The following PSTPIP1 variants were observed in gnomAD, a reference collection of about 807,000 sequenced individuals.
The protein encoded by PSTPIP1 is proline-serine-threonine phosphatase interacting protein 1.
In PSTPIP1, 66 loss-of-function variants were observed where a neutral mutation model predicts 69.6. The ratio of observed to expected loss-of-function variants is 0.95; its 90% CI spans 0.78 to 1.16. The LOEUF is 1.16. Among genes scored for constraint, PSTPIP1 ranks in the 50% most tolerant of loss-of-function variants. The pLI is 0.00. For synonymous variants in PSTPIP1, 266 were observed against 222.7 expected, an observed-to-expected ratio of 1.19 and a Z score of -1.73; for missense variants, 603 against 557.4, an observed-to-expected ratio of 1.08 and a Z score of -0.82.
At chr15:77,033,309 A>T (rs925035863) in intron 12 of PSTPIP1, among the ~76,000 whole-genome samples, 4 of 152,184 alleles carry the variant, frequency 2.6e-5, no homozygotes, top group African/African-American at 9.7e-5. Context: ...GGACTGGGGC[A>T]TCTGGAGAAT....
chr15:77,032,947 A>G lies in PSTPIP1; in HGVS notation c.924A>G (p.Ile308Met), dbSNP rs748788047. ...SPGIQPSCGM[I>M]KRFSGLLHGS... ...GCATACAGCCGTCCTGCGGCATGAT[A>G]AAGAGGTGAGGCCCCGACAGACGGA... The change falls in exon 12 of 15, where the codon ATA becomes ATG. Residue 308 changes from isoleucine (I) to methionine (M), a missense_variant. By Grantham distance (10) the Ile-to-Met change is conservative. Transcript: ENST00000558012. The G allele has an allele frequency of 5.0e-6, 8 of 1,600,578 alleles. No homozygotes were observed. The highest frequency in any genetic ancestry group is 4.0e-5 in the African/African-American group (3 of 74,712).
chr15:77,010,228 C>T (rs1253975674), intron 1 of PSTPIP1, among the ~76,000 whole-genome samples: 1 of 152,180 alleles, frequency 6.6e-6, no homozygotes, highest in African/African-American at 2.4e-5. Flanking sequence ...AGCTGTGTAA[C>T]CTGGACAAGT....
rs574948601 is a variant in PSTPIP1, at chr15:77,020,853, C to T, written c.212+2322C>T. 1.7e-4 allele frequency among the ~76,000 whole-genome samples: 23 copies of T among 135,382 alleles called. 1 individual carries two copies. Among genetic ancestry groups the T allele is most frequent in the Admixed American group, 1.7e-3 (21 of 12,578 alleles). 88.8% of individuals were successfully genotyped at this position (135,382 alleles called of 152,430 possible). A position where few individuals can be genotyped will look rare whatever the true frequency, so the allele number is the denominator to read the frequency against. On this transcript the variant is annotated intron_variant, in intron 3 of 14. Coordinates refer to ENST00000558012, the MANE Select transcript of PSTPIP1 (RefSeq NM_003978.5). The stretch of plus-strand genomic sequence containing the variant: ...AGCAGTGGCCGTGGACCTGTTTCCT[C>T]ATCTTAGACTCCTGTGGGGGGGGGG...
intron 8 of PSTPIP1, 75 bp from the exon 9 acceptor site, chr15:77,030,427 A>C: frequency 6.7e-7 from 1 of 1,485,374 alleles, no homozygotes; most frequent in South Asian, 1.2e-5. Context: ...GGAGGCATCC[A>C]GGATGGGACC....
intron 1 of PSTPIP1, among the ~76,000 whole-genome samples, chr15:77,002,741 G>A (rs1430773338): frequency 2.0e-5 from 3 of 152,210 alleles, no homozygotes; most frequent in African/African-American, 7.2e-5. Context: ...TCGATTTGGT[G>A]TTCTGAATTC....
At chr15:76,994,948 A>T (rs2075540121), upstream of PSTPIP1, 2 of 1,228,490 alleles carry the variant, frequency 1.6e-6, no homozygotes, top group Non-Finnish European at 2.1e-6. Context: ...CCACACTGTC[A>T]GTGGGCCTCA....
intron 13 of PSTPIP1, 45 bp downstream of exon 13, chr15:77,035,608 G>C (rs2076543104): frequency 1.3e-6 from 2 of 1,539,770 alleles, no homozygotes; most frequent in Non-Finnish European, 1.8e-6. Flanking sequence ...TGATCCTGGG[G>C]GGGAGGAGAG....
intron 1 of PSTPIP1, among the ~76,000 whole-genome samples, chr15:76,998,444 A>G (rs543645716): frequency 6.6e-6 from 1 of 152,290 alleles, no homozygotes; most frequent in African/African-American, 2.4e-5. Flanking sequence ...AAGCTCATAT[A>G]CTACACTCCT....
intron 1 of PSTPIP1, among the ~76,000 whole-genome samples, chr15:76,998,192 T>C (rs2152661562): frequency 6.6e-6 from 1 of 152,282 alleles, no homozygotes; most frequent in South Asian, 2.1e-4. Context: ...GAGCTGAGAT[T>C]GTGCCACTGT....
chr15:77,028,843 C>A (rs78003696), intron 7 of PSTPIP1, among the ~76,000 whole-genome samples, 191 bp downstream of exon 7: 1 of 152,216 alleles, frequency 6.6e-6, no homozygotes, highest in Admixed American at 6.5e-5. Flanking sequence ...ACAGGCAGGT[C>A]AGCTGGATCC....
In PSTPIP1 at chr15:77,037,451, G is replaced by A. The variant is rs1266039691; in HGVS notation, c.*275G>A. The A allele has an allele frequency of 5.8e-6, 2 of 342,832 alleles. No homozygotes were observed. The highest frequency in any genetic ancestry group is 1.1e-5 in the Non-Finnish European group (2 of 181,114). The allele number at this position is 342,832 out of a possible 1,614,324, so 21.2% of individuals were successfully genotyped here. ...ATGTGGAGCTCCCCAACTCAGCCGA[G>A]GCTTCAGCTATAGTTGGAGAAGAGG... On this transcript the variant is annotated 3_prime_UTR_variant, in exon 15 of 15. Transcript: ENST00000558012.
chr15:77,028,124 C>T (rs2076327198), intron 6 of PSTPIP1, among the ~76,000 whole-genome samples: 1 of 152,088 alleles, frequency 6.6e-6, no homozygotes, highest in Admixed American at 6.5e-5. Flanking sequence ...CGGGCCCTTC[C>T]CTTGTGGGGC....
At chr15:77,007,104 G>C (rs1175670466) in intron 1 of PSTPIP1, among the ~76,000 whole-genome samples, 1 of 152,058 alleles carries the variant, frequency 6.6e-6, no homozygotes, top group East Asian at 1.9e-4. Flanking sequence ...TGGGTTGTGG[G>C]CTCCTCCCTG....
chr15:77,029,459 T>A, intron 7 of PSTPIP1, 70 bp from the exon 8 acceptor site: 1 of 1,531,640 alleles, frequency 6.5e-7, no homozygotes. Context: ...GACAGTCACT[T>A]CAGGTCTGCT....
intron 5 of PSTPIP1, chr15:77,026,059 G>T: frequency 4.4e-6 from 2 of 457,400 alleles, no homozygotes; most frequent in South Asian, 1.5e-5. Flanking sequence ...ACAGACTGGG[G>T]TGGGAGAGTT....
At chr15:77,029,393 G>C in intron 7 of PSTPIP1, 136 bp from the exon 8 acceptor site, 1 of 948,500 alleles carries the variant, frequency 1.1e-6, no homozygotes, top group East Asian at 2.7e-5. Context: ...TGTGGATGAT[G>C]GCATCTGCCC....
At position 77,037,284 on chromosome 15, in the gene PSTPIP1, A is replaced by G; in HGVS notation, c.*108A>G. On this transcript the variant is annotated 3_prime_UTR_variant, in exon 15 of 15. Coordinates refer to ENST00000558012, the MANE Select transcript of PSTPIP1 (RefSeq NM_003978.5). Reference sequence around the variant, plus strand: ...CAGAACCAAGCGTCCCCCAGCCCCGAGAGGGAGCCTGTCGTCTCCCAGGGA... The same window carrying G: ...CAGAACCAAGCGTCCCCCAGCCCCGGGAGGGAGCCTGTCGTCTCCCAGGGA... 2 of 1,407,138 alleles carry G rather than the reference A, an allele frequency of 1.4e-6. No individual in the cohort carries two copies. Among genetic ancestry groups the G allele is most frequent in the African/African-American group, 1.4e-5 (1 of 69,556 alleles). The allele number at this position is 1,407,138 out of a possible 1,614,324, so 87.2% of individuals were successfully genotyped here.
At chr15:77,006,008 G>A (rs1180602071) in intron 1 of PSTPIP1, among the ~76,000 whole-genome samples, 2 of 152,158 alleles carry the variant, frequency 1.3e-5, no homozygotes, top group East Asian at 3.8e-4. Context: ...CCTAGGAGTG[G>A]AATTGCTGGA....
chr15:77,035,192 C>T (rs1316519328), intron 12 of PSTPIP1, among the ~76,000 whole-genome samples: 2 of 152,202 alleles, frequency 1.3e-5, no homozygotes, highest in African/African-American at 4.8e-5. Context: ...CCATGGGAGT[C>T]TTCCAATGAA....
Sources: allele counts gnomAD v4.1 joint callset (sites outside exome capture counted in the v4.1 genomes callset), GRCh38; gene constraint gnomAD v4.1.1; transcripts MANE v1.5; gene names NCBI Gene and HGNC (gene_info 2026-07-23, HGNC 2026-07-21).